PEBP4: variants seen among roughly 807,000 people sequenced by gnomAD.
PEBP4 encodes the protein phosphatidylethanolamine-binding protein 4.
PEBP4 carries 22 observed loss-of-function variants against 23.9 expected under a neutral mutation model. The ratio of observed to expected loss-of-function variants is 0.92; its 90% confidence interval spans 0.66 to 1.31. The LOEUF is 1.31. Ranked by LOEUF, PEBP4 falls within the 40% of genes most tolerant of loss-of-function variation. The pLI, the probability that PEBP4 is intolerant of heterozygous loss-of-function variation, is 0.00. For synonymous variants in PEBP4, 112 were observed against 99.3 expected (o/e 1.13, Z -0.76); for missense variants, 324 against 281.7 (o/e 1.15, Z -1.07).
At chr8:22,924,515 G>T (rs1809282313) in intron 2 of PEBP4, 1 of 324,442 alleles carries the variant, frequency 3.1e-6, no homozygotes, top group Admixed American at 6.5e-5. Flanking sequence ...CAAAGAAGAT[G>T]AGAAACTAGA....
chr8:22,870,594 G>A (rs1807988176), intron 3 of PEBP4, among the ~76,000 whole-genome samples: 1 of 152,154 alleles, frequency 6.6e-6, no homozygotes, highest in Non-Finnish European at 1.5e-5. Context: ...CGTTGGGTGA[G>A]AATGACATGT....
chr8:22,802,112 C>A (rs144181868), intron 4 of PEBP4, among the ~76,000 whole-genome samples: 1 of 152,314 alleles, frequency 6.6e-6, no homozygotes, highest in Non-Finnish European at 1.5e-5. Flanking sequence ...TTCCCAAACG[C>A]TCCGGACTGT....
At chr8:22,920,488 A>G (rs1217534033) in intron 2 of PEBP4, among the ~76,000 whole-genome samples, 178 bp from the exon 3 acceptor site, 1 of 152,158 alleles carries the variant, frequency 6.6e-6, no homozygotes, top group Non-Finnish European at 1.5e-5. Flanking sequence ...CAGTTTCCTC[A>G]CCTGTAAAAC....
At chr8:22,718,773 G>A (rs1804462164) in intron 6 of PEBP4, among the ~76,000 whole-genome samples, 1 of 152,130 alleles carries the variant, frequency 6.6e-6, no homozygotes, top group Non-Finnish European at 1.5e-5. Context: ...GTCTGTGTGT[G>A]CGCTGGTGGG....
At chr8:22,742,335 C>T (rs1019948928) in intron 4 of PEBP4, among the ~76,000 whole-genome samples, 1 of 152,330 alleles carries the variant, frequency 6.6e-6, no homozygotes, top group East Asian at 1.9e-4. Flanking sequence ...GCCTCGATGG[C>T]CTGCACCAGC....
At chr8:22,796,706 C>A (rs1286150018) in intron 4 of PEBP4, among the ~76,000 whole-genome samples, 1 of 152,124 alleles carries the variant, frequency 6.6e-6, no homozygotes, top group Non-Finnish European at 1.5e-5. Context: ...AAGCAAAAAA[C>A]CACATGTTCT....
chr8:22,855,739 C>T (rs1189048281), intron 3 of PEBP4, among the ~76,000 whole-genome samples: 1 of 152,028 alleles, frequency 6.6e-6, no homozygotes, highest in African/African-American at 2.4e-5. Context: ...CATAAAAATA[C>T]CACAAATATA....
intron 3 of PEBP4, among the ~76,000 whole-genome samples, chr8:22,826,572 CTG>C (rs1319943233): frequency 2.6e-5 from 4 of 152,118 alleles, no homozygotes; most frequent in Non-Finnish European, 4.4e-5. Context: ...AACTTCGTAA[CTG>C]TAAAAAAAAC....
At chr8:22,908,877 C>A (rs753162358) in intron 3 of PEBP4, among the ~76,000 whole-genome samples, 15 of 152,188 alleles carry the variant, frequency 9.9e-5, no homozygotes, top group Non-Finnish European at 2.1e-4. Flanking sequence ...ACCCAGGTAA[C>A]TAGGGGCTTG....
At chr8:22,881,112 T>C (rs1466324865) in intron 3 of PEBP4, among the ~76,000 whole-genome samples, 2 of 152,258 alleles carry the variant, frequency 1.3e-5, no homozygotes, top group Non-Finnish European at 2.9e-5. Context: ...AGGATATTCC[T>C]ACCTCTCCCT....
At chr8:22,913,902 T>C (rs73218748) in intron 3 of PEBP4, among the ~76,000 whole-genome samples, 3 of 152,010 alleles carry the variant, frequency 2.0e-5, no homozygotes, top group Non-Finnish European at 4.4e-5. Context: ...TATTGCAGCC[T>C]TGAACTCCTG....
intron 3 of PEBP4, among the ~76,000 whole-genome samples, chr8:22,898,459 G>A (rs990798210): frequency 2.1e-5 from 3 of 140,146 alleles, no homozygotes; most frequent in Non-Finnish European, 4.5e-5. Context: ...ATTTTGTTAT[G>A]GAACCCCAAG....
chr8:22,930,794 T>C (rs1374751791), upstream of PEBP4, among the ~76,000 whole-genome samples: 2 of 152,324 alleles, frequency 1.3e-5, no homozygotes, highest in East Asian at 3.9e-4. Context: ...ACCTAAGATC[T>C]GAAAGCCGTG....
At chr8:22,731,819 C>T (rs891564812) in intron 4 of PEBP4, among the ~76,000 whole-genome samples, 10 of 146,076 alleles carry the variant, frequency 6.8e-5, no homozygotes, top group East Asian at 1.9e-4. Context: ...CCATGGCGCC[C>T]GGCTAATTTT....
chr8:22,810,566 T>C (rs1806597285), intron 4 of PEBP4, among the ~76,000 whole-genome samples: 1 of 152,032 alleles, frequency 6.6e-6, no homozygotes, highest in South Asian at 2.1e-4. Flanking sequence ...TTTCTGGCTT[T>C]GCCCATGAAG....
chr8:22,812,905 C>T (rs1423273143), intron 4 of PEBP4, among the ~76,000 whole-genome samples: 2 of 152,094 alleles, frequency 1.3e-5, no homozygotes, highest in African/African-American at 4.8e-5. Flanking sequence ...TTTTCCTTGT[C>T]TCCACCCTGA....
chr8:22,777,185 G>A (rs997565660), intron 4 of PEBP4, among the ~76,000 whole-genome samples: 6 of 152,068 alleles, frequency 3.9e-5, no homozygotes, highest in Admixed American at 1.3e-4. Context: ...CATTTTCCCC[G>A]ATTTCCCTCT....
At chr8:22,791,337 G>A (rs1276071254) in intron 4 of PEBP4, among the ~76,000 whole-genome samples, 2 of 152,128 alleles carry the variant, frequency 1.3e-5, no homozygotes, top group East Asian at 1.9e-4. Flanking sequence ...GTTTTGAGCC[G>A]TACAAATAAA....
chr8:22,940,764 T>C (rs889597312), intron 1 of PEBP4, among the ~76,000 whole-genome samples: 14 of 152,186 alleles, frequency 9.2e-5, no homozygotes, highest in Admixed American at 2.6e-4. Flanking sequence ...GCTGGGATTA[T>C]AGGCGTGAGC....
Sources: allele counts gnomAD v4.1 joint callset (sites outside exome capture counted in the v4.1 genomes callset), GRCh38; gene constraint gnomAD v4.1.1; transcripts MANE v1.5; gene names NCBI Gene and HGNC (gene_info 2026-07-23, HGNC 2026-07-21).